The following PLA2G4E variants were observed in gnomAD, a reference collection of about 807,000 sequenced individuals.
PLA2G4E encodes cytosolic phospholipase A2 epsilon.
In PLA2G4E, 84 loss-of-function variants were observed where a neutral mutation model predicts 109.1. That is an observed-to-expected ratio of 0.77 (90% CI 0.65 to 0.92). The LOEUF is 0.92. PLA2G4E is among the 40% of genes least tolerant of loss of function. The pLI is 0.00. For synonymous variants in PLA2G4E, 469 were observed against 436.1 expected, an observed-to-expected ratio of 1.08 and a Z score of -0.94; for missense variants, 1,057 against 1,076.6, an observed-to-expected ratio of 0.98 and a Z score of 0.25.
rs929587212 is a variant in PLA2G4E, at chr15:42,003,405, C to T, written c.567-709G>A. ...TCCTGAGTAGCTGGGATGACAGGTG[C>T]ATGCTGCCATGCCCAACTAATTTTT... On this transcript the variant is annotated intron_variant, in intron 5 of 19. Transcript: ENST00000399518. Among the ~76,000 whole-genome samples, 83 of 152,184 alleles carry T rather than the reference C, an allele frequency of 5.5e-4. 2 individuals are homozygous for T. Among genetic ancestry groups the T allele is most frequent in the Admixed American group, 9.2e-4 (14 of 15,284 alleles).
At chr15:41,985,730 C>T in intron 18 of PLA2G4E, 109 bp downstream of exon 18, 1 of 1,330,014 alleles carries the variant, frequency 7.5e-7, no homozygotes, top group Non-Finnish European at 1.0e-6. Context: ...TCTCTGGGGG[C>T]TGTCTAGAGC....
intron 1 of PLA2G4E, among the ~76,000 whole-genome samples, chr15:42,028,737 G>A (rs764138300): frequency 1.3e-5 from 2 of 152,098 alleles, no homozygotes; most frequent in Non-Finnish European, 2.9e-5. Context: ...CTTCTTCTAT[G>A]TGCCTATGTT....
intron 2 of PLA2G4E, among the ~76,000 whole-genome samples, chr15:42,013,156 C>T (rs1254106512): frequency 1.3e-5 from 2 of 152,212 alleles, no homozygotes; most frequent in East Asian, 1.9e-4. Flanking sequence ...ATGGGCTGAA[C>T]TGTAGAACTG....
chr15:42,040,204 GCA>G (rs1236765111), intron 1 of PLA2G4E, among the ~76,000 whole-genome samples: 17 of 150,868 alleles, frequency 1.1e-4, no homozygotes, highest in East Asian at 9.8e-4. Flanking sequence ...ACACACACAC[GCA>G]CACACACACA....
intron 1 of PLA2G4E, among the ~76,000 whole-genome samples, chr15:42,046,163 A>G (rs1346271168): frequency 6.6e-6 from 1 of 152,138 alleles, no homozygotes; most frequent in African/African-American, 2.4e-5. Context: ...ATGCCTTCTC[A>G]CTTGGCCCGC....
intron 1 of PLA2G4E, among the ~76,000 whole-genome samples, chr15:42,025,622 AC>A (rs1000438719): frequency 1.1e-4 from 17 of 152,048 alleles, no homozygotes; most frequent in Non-Finnish European, 1.5e-4. Flanking sequence ...GTTCCAAGAG[AC>A]GTTCCCCCTA....
chr15:41,996,882 C>A (rs1261189655), intron 11 of PLA2G4E, among the ~76,000 whole-genome samples: 2 of 152,198 alleles, frequency 1.3e-5, no homozygotes, highest in Admixed American at 6.5e-5. Flanking sequence ...AGCAGGAACT[C>A]TTAGTGCTTG....
At chr15:42,040,672 A>C (rs1889299780) in intron 1 of PLA2G4E, among the ~76,000 whole-genome samples, 1 of 152,272 alleles carries the variant, frequency 6.6e-6, no homozygotes, top group Admixed American at 6.5e-5. Context: ...ATAAATACTG[A>C]AATGCAAACA....
At chr15:42,026,917 G>C (rs922020829) in intron 1 of PLA2G4E, among the ~76,000 whole-genome samples, 2 of 150,988 alleles carry the variant, frequency 1.3e-5, no homozygotes, top group East Asian at 3.9e-4. Flanking sequence ...AGATTGCAGT[G>C]AGCTGAGATC....
At chr15:42,000,397 G>T in intron 7 of PLA2G4E, 115 bp from the exon 8 acceptor site, 1 of 999,580 alleles carries the variant, frequency 1.0e-6, no homozygotes, top group Non-Finnish European at 1.5e-6. Context: ...ATCACCTGGG[G>T]CACCAGTTCA....
At chr15:41,983,594 C>G in exon 20 of PLA2G4E, 1 of 646,066 alleles carries the variant, frequency 1.5e-6, no homozygotes, top group Non-Finnish European at 2.6e-6. Context: ...ACTTTCTCAA[C>G]TTTTTAAAAT....
chr15:41,989,635 A>T, intron 14 of PLA2G4E, 83 bp from the exon 15 acceptor site: 4 of 1,519,336 alleles, frequency 2.6e-6, no homozygotes, highest in East Asian at 2.4e-5. Flanking sequence ...GCCTGCAGCC[A>T]CTGGCTCAGG....
chr15:42,020,956 G>C (rs541195489), intron 1 of PLA2G4E, among the ~76,000 whole-genome samples: 1 of 151,992 alleles, frequency 6.6e-6, no homozygotes, highest in African/African-American at 2.4e-5. Flanking sequence ...AGGTGGCCGA[G>C]GGCCTGCTGT....
intron 1 of PLA2G4E, among the ~76,000 whole-genome samples, chr15:42,018,811 A>T (rs1003327653): frequency 6.6e-6 from 1 of 152,158 alleles, no homozygotes; most frequent in East Asian, 1.9e-4. Context: ...TTGCCAGCTC[A>T]TGTGGAAAAG....
At chr15:41,987,404 G>A (rs2068160562) in intron 16 of PLA2G4E, 29 bp from the exon 17 acceptor site, 3 of 1,598,048 alleles carry the variant, frequency 1.9e-6, no homozygotes, top group Non-Finnish European at 1.7e-6. Context: ...TGAAGGGCAG[G>A]TCATGAGAGG....
chr15:41,991,802 G>C (rs2068253268), intron 13 of PLA2G4E, among the ~76,000 whole-genome samples: 1 of 152,186 alleles, frequency 6.6e-6, no homozygotes, highest in South Asian at 2.1e-4. Flanking sequence ...GACACCTTTG[G>C]AGTGGAGCAG....
At chr15:42,000,669 G>T (rs924526245) in intron 7 of PLA2G4E, among the ~76,000 whole-genome samples, 2 of 152,168 alleles carry the variant, frequency 1.3e-5, no homozygotes, top group East Asian at 3.9e-4. Context: ...CTCATGTCTG[G>T]TAGCCTTGCA....
At chr15:42,021,077 G>C (rs2068644576) in intron 1 of PLA2G4E, among the ~76,000 whole-genome samples, 35 bp from the exon 1 acceptor site, 1 of 152,016 alleles carries the variant, frequency 6.6e-6, no homozygotes, top group Non-Finnish European at 1.5e-5. Flanking sequence ...CTTATACTCT[G>C]ACTCAGAGCT....
chr15:42,021,020 C>T (rs1056632606), intron 1 of PLA2G4E, among the ~76,000 whole-genome samples: 1 of 151,876 alleles, frequency 6.6e-6, no homozygotes, highest in Non-Finnish European at 1.5e-5. Flanking sequence ...GTGCATCTGC[C>T]TCAGGAGCAT....
Sources: gnomAD v4.1 joint callset for allele counts (sites outside exome capture counted in the v4.1 genomes callset) on GRCh38, gnomAD v4.1.1 for gene constraint, MANE v1.5 for transcripts, NCBI Gene and HGNC (gene_info 2026-07-23, HGNC 2026-07-21) for gene names.